CEP120: variants seen among roughly 807,000 people sequenced by gnomAD.
CEP120 encodes centrosomal protein 120.
Under a neutral mutation model 126.5 loss-of-function variants are expected in CEP120, and 113 were observed. The observed-to-expected ratio is 0.89, with a 90% CI of 0.77 to 1.04. The LOEUF (loss-of-function observed/expected upper bound fraction) is 1.04. Ranked by LOEUF, CEP120 falls within the 50% of genes least tolerant of loss-of-function variation. CEP120 has a pLI of 0.00. For synonymous variants in CEP120, 400 were observed against 394.3 expected, an observed-to-expected ratio of 1.01 and a Z score of -0.17; for missense variants, 1,230 against 1,155.7, an observed-to-expected ratio of 1.06 and a Z score of -0.93.
intron 2 of CEP120, 145 bp downstream of exon 2, chr5:123,418,214 C>T (rs1328972137): frequency 7.0e-6 from 4 of 571,768 alleles, no homozygotes; most frequent in Non-Finnish European, 1.1e-5. Context: ...TGGGTCCCAT[C>T]CCCAAGGTAT....
Position 123,416,106 on chromosome 5 carries a change from G to C in CEP120, c.225C>G (p.Ile75Met), listed in dbSNP as rs774823755. The C allele has an allele frequency of 1.2e-6, 2 of 1,611,374 alleles. No homozygotes were observed. Among genetic ancestry groups the C allele is most frequent in the South Asian group, 1.1e-5 (1 of 90,990 alleles). The change falls in exon 3 of 20, where the codon ATC becomes ATG. Residue 75 changes from isoleucine to methionine, a missense_variant. By Grantham distance (10) the Ile-to-Met change is conservative. Coordinates refer to ENST00000306467, the MANE Select transcript of CEP120 (RefSeq NM_001375405.1). The part of the protein sequence containing the change: ...LHQHRLQRTP[I>M]KLQCFALDPV... ...GATCCAAGGCAAAACATTGGAGTTT[G>C]ATAGGAGTACGCTGTAGCCTATAAC... is the stretch of plus-strand genomic sequence containing the variant.
intron 18 of CEP120, among the ~76,000 whole-genome samples, chr5:123,362,376 G>A (rs1430856799): frequency 6.6e-6 from 1 of 151,694 alleles, no homozygotes; most frequent in Non-Finnish European, 1.5e-5. Context: ...ATCATAAAAG[G>A]GAAAGAGCCT....
At chr5:123,401,293 G>A (rs181094474) in intron 4 of CEP120, 325 of 1,607,454 alleles carry the variant, frequency 2.0e-4, no homozygotes, top group Middle Eastern at 1.0e-3. Context: ...ACAACTTGGC[G>A]TTAGCATCCT....
intron 18 of CEP120, chr5:123,358,275 G>A (rs1423384857): frequency 6.6e-6 from 1 of 152,160 alleles, no homozygotes; most frequent in Non-Finnish European, 1.5e-5. Context: ...AGACACAGTT[G>A]AGAAAGGGAC....
intron 4 of CEP120, among the ~76,000 whole-genome samples, chr5:123,411,869 T>C (rs1344429110): frequency 6.6e-6 from 1 of 152,142 alleles, no homozygotes; most frequent in African/African-American, 2.4e-5. Context: ...ATGAATGATA[T>C]GATATGTTCA....
At chr5:123,352,734 T>C (rs959612945) in intron 18 of CEP120, among the ~76,000 whole-genome samples, 1 of 152,038 alleles carries the variant, frequency 6.6e-6, no homozygotes, top group African/African-American at 2.4e-5. Flanking sequence ...GATTTTATGA[T>C]GATTATATTG....
chr5:123,389,688 C>T (rs1420166849), intron 8 of CEP120, among the ~76,000 whole-genome samples: 8 of 152,088 alleles, frequency 5.3e-5, no homozygotes, highest in East Asian at 1.9e-4. Context: ...TTAGTAGAGA[C>T]GGGATTTCTC....
chr5:123,406,061 A>G (rs565826869), intron 4 of CEP120, among the ~76,000 whole-genome samples: 3 of 150,664 alleles, frequency 2.0e-5, no homozygotes, highest in Admixed American at 2.0e-4. Context: ...ACAGAAATGA[A>G]TGACTATGAG....
At chr5:123,353,796 T>C (rs1769372557) in intron 18 of CEP120, among the ~76,000 whole-genome samples, 1 of 152,000 alleles carries the variant, frequency 6.6e-6, no homozygotes, top group African/African-American at 2.4e-5. Context: ...ATCTATAGTC[T>C]TGTCTCTTTT....
At chr5:123,411,815 A>C (rs1774076575) in intron 4 of CEP120, among the ~76,000 whole-genome samples, 1 of 152,226 alleles carries the variant, frequency 6.6e-6, no homozygotes, top group Admixed American at 6.5e-5. Context: ...TCCAACACCA[A>C]GAGAGAAACC....
chr5:123,383,536 T>G (rs890978078), intron 11 of CEP120, among the ~76,000 whole-genome samples: 3 of 152,118 alleles, frequency 2.0e-5, no homozygotes, highest in African/African-American at 7.2e-5. Context: ...TTTTTTTTAC[T>G]GCCTGTAAAA....
intron 4 of CEP120, among the ~76,000 whole-genome samples, chr5:123,402,943 T>C (rs1395694078): frequency 6.6e-6 from 1 of 152,160 alleles, no homozygotes; most frequent in Non-Finnish European, 1.5e-5. Flanking sequence ...AGCCTTCCAA[T>C]ATGTGAGGAT....
At chr5:123,368,926 G>GA (rs1770660974) in intron 17 of CEP120, among the ~76,000 whole-genome samples, 1 of 151,714 alleles carries the variant, frequency 6.6e-6, no homozygotes, top group Non-Finnish European at 1.5e-5. Flanking sequence ...TTTTGTTTTA[G>GA]AAAATGGTTA....
intron 16 of CEP120, 75 bp from the exon 17 acceptor site, chr5:123,372,847 G>A: frequency 1.6e-6 from 2 of 1,262,076 alleles, no homozygotes; most frequent in Non-Finnish European, 2.2e-6. Flanking sequence ...AATTCAACAA[G>A]GTCTTTTTTT....
chr5:123,377,286 C>A (rs984657293), intron 16 of CEP120, 88 bp downstream of exon 16: 1 of 1,238,116 alleles, frequency 8.1e-7, no homozygotes, highest in African/African-American at 1.6e-5. Context: ...ATGAATTTTA[C>A]CACTTTTTAG....
intron 18 of CEP120, among the ~76,000 whole-genome samples, chr5:123,356,337 T>C (rs1380015488): frequency 6.6e-6 from 1 of 152,144 alleles, no homozygotes; most frequent in Non-Finnish European, 1.5e-5. Context: ...GGTAGCTTGA[T>C]GGCAATGGCA....
At chr5:123,360,845 G>A (rs1255311131) in intron 18 of CEP120, among the ~76,000 whole-genome samples, 1 of 151,748 alleles carries the variant, frequency 6.6e-6, no homozygotes, top group African/African-American at 2.4e-5. Context: ...CTAACCAAAA[G>A]TCAGGAATTT....
intron 7 of CEP120, chr5:123,390,480 C>A: frequency 2.9e-6 from 1 of 345,080 alleles, no homozygotes; most frequent in Admixed American, 4.1e-5. Flanking sequence ...AGAAAAAACA[C>A]ATGTCTAGTA....
At chr5:123,410,512 G>C (rs1773983601) in intron 4 of CEP120, among the ~76,000 whole-genome samples, 1 of 152,182 alleles carries the variant, frequency 6.6e-6, no homozygotes, top group Admixed American at 6.5e-5. Context: ...GCATAATAAA[G>C]AGACCAGAAA....
Sources: gnomAD v4.1 joint callset for allele counts (sites outside exome capture counted in the v4.1 genomes callset) on GRCh38, gnomAD v4.1.1 for gene constraint, MANE v1.5 for transcripts, NCBI Gene and HGNC (gene_info 2026-07-23, HGNC 2026-07-21) for gene names.